The following CSMD1 variants were observed in gnomAD, a reference collection of about 807,000 sequenced individuals.
CSMD1 encodes CUB and sushi domain-containing protein 1.
CSMD1 carries 213 observed loss-of-function variants against 417.5 expected under a neutral mutation model. That is an observed-to-expected ratio of 0.51 (90% CI 0.46 to 0.57). The LOEUF (loss-of-function observed/expected upper bound fraction) is 0.57, where lower values mean the gene tolerates loss of function less well. Among genes scored for constraint, CSMD1 ranks in the 20% least tolerant of loss-of-function variants. The pLI is 0.00. For synonymous variants in CSMD1, 2,862 were observed against 1,736.8 expected, an observed-to-expected ratio of 1.65 and a Z score of -16.11; for missense variants, 6,923 against 4,529.7, an observed-to-expected ratio of 1.53 and a Z score of -15.17.
At chr8:3,879,908 T>C (rs11989927) in intron 5 of CSMD1, among the ~76,000 whole-genome samples, 35,088 of 151,932 alleles carry the variant, frequency 0.23, 5,367 homozygotes, top group African/African-American at 0.44. Context: ...TTATCCCCTA[T>C]AACGAAATAG....
intron 37 of CSMD1, among the ~76,000 whole-genome samples, 193 bp downstream of exon 37, chr8:3,180,917 T>A (rs1286791934): frequency 6.6e-6 from 1 of 152,184 alleles, no homozygotes; most frequent in African/African-American, 2.4e-5. Context: ...GTGCTGGGAT[T>A]ATAGGCATGA....
At chr8:4,279,012 G>C (rs1310515201) in intron 3 of CSMD1, among the ~76,000 whole-genome samples, 1 of 152,136 alleles carries the variant, frequency 6.6e-6, no homozygotes, top group African/African-American at 2.4e-5. Context: ...ACTGACAGTT[G>C]TTAAAGTTGA....
intron 3 of CSMD1, among the ~76,000 whole-genome samples, chr8:4,034,630 G>C (rs562748685): frequency 2.0e-4 from 30 of 152,280 alleles, no homozygotes; most frequent in African/African-American, 7.0e-4. Context: ...TACAGTCAAA[G>C]ACACACGTTG....
At chr8:3,228,097 A>G (rs6993187) in intron 27 of CSMD1, among the ~76,000 whole-genome samples, 10,299 of 152,272 alleles carry the variant, frequency 0.068, 396 homozygotes, top group South Asian at 0.11. Flanking sequence ...TTACATATAC[A>G]TAATTATGAA....
rs181050599 is a variant in CSMD1 at position 4,117,070 on chromosome 8, C to A, written c.416-84971G>T. On this transcript the variant is annotated intron_variant, in intron 3 of 69. Coordinates refer to ENST00000635120, the MANE Select transcript of CSMD1 (RefSeq NM_033225.6). ...TGTCAGTAGTTAACCAGAATGAAAT[C>A]TGGCCTCCTTTCTACTCCCTTTTCC... is the stretch of plus-strand genomic sequence containing the variant. Among the ~76,000 whole-genome samples, 3 of 151,922 alleles carry A rather than the reference C, an allele frequency of 2.0e-5. 1 individual carries two copies. The highest frequency in any genetic ancestry group is 1.3e-4 in the Admixed American group (2 of 15,148).
At chr8:4,361,040 G>A (rs866976691) in intron 3 of CSMD1, among the ~76,000 whole-genome samples, 3 of 152,110 alleles carry the variant, frequency 2.0e-5, no homozygotes, top group Non-Finnish European at 4.4e-5. Context: ...ATGCTATATT[G>A]AAAAGAAAAA....
intron 27 of CSMD1, among the ~76,000 whole-genome samples, chr8:3,226,529 C>G (rs112810019): frequency 0.097 from 14,434 of 148,264 alleles, 911 homozygotes; most frequent in African/African-American, 0.17. Context: ...CTGCAGTGAG[C>G]TGAGATCACA....
rs1563335301 is a variant in CSMD1 at position 3,746,747 on chromosome 8, AC to A, written c.931+7182del. Reference sequence around the variant, plus strand: ...TGTATTTCTCCTATCCTTACCAGATACCCAGAAGCTGTTCAGAATGAACTTT... The same window carrying A: ...TGTATTTCTCCTATCCTTACCAGATACCAGAAGCTGTTCAGAATGAACTTT... On this transcript the variant is annotated intron_variant, in intron 6 of 69. Coordinates refer to ENST00000635120, the MANE Select transcript of CSMD1 (RefSeq NM_033225.6). 3.3e-5 allele frequency among the ~76,000 whole-genome samples: 5 copies of A among 152,354 alleles called. No homozygotes were observed. The South Asian group carries it at 8.3e-4, about 25-fold the overall frequency.
At position 4,205,156 on chromosome 8, in the gene CSMD1, TAGAG is replaced by T. The variant is rs1044681254; in HGVS notation, c.416-173061_416-173058del. 6.5e-3 allele frequency among the ~76,000 whole-genome samples: 984 copies of T among 152,326 alleles called. 18 individuals are homozygous for T. The highest frequency in any genetic ancestry group is 0.022 in the African/African-American group (933 of 41,574). On this transcript the variant is annotated intron_variant, in intron 3 of 69. Coordinates refer to ENST00000635120, the MANE Select transcript of CSMD1 (RefSeq NM_033225.6). ...CAACTCTGTTGAATGAAATTGTTCTTAGAGAGAAAACTGGGTGAAGAAACATCTG... is the reference window on the plus strand; with the variant it reads ...CAACTCTGTTGAATGAAATTGTTCTTAGAAAACTGGGTGAAGAAACATCTG...
At chr8:4,945,745 T>C (rs1309243625) in intron 1 of CSMD1, among the ~76,000 whole-genome samples, 2 of 151,978 alleles carry the variant, frequency 1.3e-5, no homozygotes, top group Admixed American at 6.6e-5. Context: ...AAGGAGGAGA[T>C]GATGCCACCT....
intron 7 of CSMD1, among the ~76,000 whole-genome samples, chr8:3,625,358 G>A (rs188312954): frequency 6.6e-6 from 1 of 152,110 alleles, no homozygotes; most frequent in Admixed American, 6.6e-5. Flanking sequence ...TTCCAACCCT[G>A]AGTGAGAGAC....
At chr8:3,548,679 C>G (rs1798780671) in intron 10 of CSMD1, among the ~76,000 whole-genome samples, 1 of 151,482 alleles carries the variant, frequency 6.6e-6, no homozygotes, top group Non-Finnish European at 1.5e-5. Context: ...CACACACACA[C>G]ACACACACAC....
At chr8:3,895,119 G>C (rs761495784) in intron 5 of CSMD1, among the ~76,000 whole-genome samples, 2 of 152,146 alleles carry the variant, frequency 1.3e-5, no homozygotes, top group Non-Finnish European at 2.9e-5. Flanking sequence ...GATTAAATGT[G>C]ATTCATGAAT....
intron 50 of CSMD1, among the ~76,000 whole-genome samples, chr8:3,046,718 G>A (rs189083963): frequency 4.6e-5 from 7 of 152,270 alleles, no homozygotes; most frequent in Non-Finnish European, 8.8e-5. Context: ...AGCCTTCCCC[G>A]CAGCAGCTGA....
intron 40 of CSMD1, among the ~76,000 whole-genome samples, chr8:3,146,890 T>C (rs559174580): frequency 6.6e-6 from 1 of 152,212 alleles, no homozygotes; most frequent in Non-Finnish European, 1.5e-5. Context: ...GGCAACTGCT[T>C]AACTCCTGGA....
intron 1 of CSMD1, among the ~76,000 whole-genome samples, chr8:4,899,071 A>G (rs1051181746): frequency 1.3e-5 from 2 of 152,180 alleles, no homozygotes; most frequent in Non-Finnish European, 2.9e-5. Context: ...ATGTAGCCCT[A>G]TCCTGTGATT....
intron 1 of CSMD1, among the ~76,000 whole-genome samples, chr8:4,901,911 C>G (rs894162884): frequency 4.6e-5 from 7 of 151,996 alleles, no homozygotes; most frequent in Admixed American, 1.3e-4. Flanking sequence ...ACCCTAAATA[C>G]GTTAAAAAGA....
intron 2 of CSMD1, among the ~76,000 whole-genome samples, chr8:4,470,255 G>A (rs543568863): frequency 1.5e-3 from 229 of 152,196 alleles, no homozygotes; most frequent in Non-Finnish European, 2.6e-3. Flanking sequence ...TTTCCCATCA[G>A]GGGCTCCTCC....
intron 7 of CSMD1, among the ~76,000 whole-genome samples, chr8:3,651,111 G>C (rs1041747858): frequency 6.6e-6 from 1 of 152,168 alleles, no homozygotes; most frequent in Admixed American, 6.5e-5. Flanking sequence ...ATCACCATCT[G>C]TCAGTATCTT....
Sources: allele counts gnomAD v4.1 joint callset (sites outside exome capture counted in the v4.1 genomes callset), GRCh38; gene constraint gnomAD v4.1.1; transcripts MANE v1.5; gene names NCBI Gene and HGNC (gene_info 2026-07-23, HGNC 2026-07-21).